The following STK40 variants were observed in gnomAD, a reference collection of about 807,000 sequenced individuals.
STK40 encodes serine/threonine-protein kinase 40.
Under a neutral mutation model 47.9 loss-of-function variants are expected in STK40, and 13 were observed. That is an observed-to-expected ratio of 0.27 (90% CI 0.18 to 0.43). STK40 has a LOEUF of 0.43. Ranked by LOEUF, STK40 falls within the 20% of genes least tolerant of loss-of-function variation. STK40 has a pLI of 1.00. For missense variants in STK40, 460 were observed against 595.1 expected (o/e 0.77, Z 2.36); for synonymous variants, 225 against 243.2 (o/e 0.93, Z 0.69).
At chr1:36,370,258 C>A (rs1472569413) in intron 1 of STK40, among the ~76,000 whole-genome samples, 1 of 152,240 alleles carries the variant, frequency 6.6e-6, no homozygotes, top group Non-Finnish European at 1.5e-5. Context: ...AAGGGATGGA[C>A]CAGGCCCTGT....
chr1:36,345,991 A>ATATATATATATTTTTTTTTT, intron 7 of STK40, among the ~76,000 whole-genome samples: 5 of 26,462 alleles, frequency 1.9e-4, no homozygotes, highest in Admixed American at 1.3e-3. Flanking sequence ...ATATATATAT[A>ATATATATATATTTTTTTTTT]TTTTTTTTTT....
At position 36,340,835 on chromosome 1, in the gene STK40, CG is replaced by C. The variant is rs1452976141; in HGVS notation, c.*919del. 2.6e-5 allele frequency: 4 copies of C among 152,500 alleles called. No homozygotes were observed. Among genetic ancestry groups the C allele is most frequent in the African/African-American group, 9.6e-5 (4 of 41,592 alleles). The allele number at this position is 152,500 out of a possible 1,614,324, so 9.4% of individuals were successfully genotyped here. On this transcript the variant is annotated 3_prime_UTR_variant, in exon 11 of 11. Transcript: ENST00000373132. Reference sequence around the variant, plus strand: ...GCTAGGGGAGCGTGCAGGCAGCCCCCGCTCACGGCCAGGCCTGCAGCCCAAC... The same window carrying C: ...GCTAGGGGAGCGTGCAGGCAGCCCCCCTCACGGCCAGGCCTGCAGCCCAAC...
At position 36,358,747 on chromosome 1, in the gene STK40, T is replaced by C. The variant is rs139830713; in HGVS notation, c.188A>G (p.Tyr63Cys). The change falls in exon 3 of 11, where the codon TAT becomes TGT. Residue 63 changes from tyrosine (Y) to cysteine (C), a missense_variant. Around this residue, in one of 3 missense-constraint regions of STK40, gnomAD observed 277 missense variants for 358.7 expected, o/e 0.77. Coordinates refer to ENST00000373132, the MANE Select transcript of STK40 (RefSeq NM_001282547.2). ...LARKDGTDDF[Y>C]QLKILTLEER... ...CCATGTCTCACTTACCTTCAGCTGA[T>C]AGAAGTCATCCGTGCCATCTTTCCT... 14 of 1,614,130 alleles carry C rather than the reference T, an allele frequency of 8.7e-6. No homozygotes were observed. Among genetic ancestry groups the C allele is most frequent in the Admixed American group, 3.3e-5 (2 of 60,028 alleles).
At position 36,361,524 on chromosome 1, in the gene STK40, G is replaced by T. The variant is rs75836932; in HGVS notation, c.-8-184C>A. ...AAAGAACCACAGCTCCTTTACTTGG[G>T]ATTAATTAGATGCTAAAGGTGGACA... On this transcript the variant is annotated intron_variant, in intron 1 of 10. Coordinates refer to ENST00000373132, the MANE Select transcript of STK40 (RefSeq NM_001282547.2). Among the ~76,000 whole-genome samples the T allele has an allele frequency of 3.7e-3, 559 of 152,316 alleles. 7 individuals are homozygous for T. Among genetic ancestry groups the T allele is most frequent in the East Asian group, 0.021 (111 of 5,184 alleles).
intron 1 of STK40, among the ~76,000 whole-genome samples, chr1:36,362,183 C>A (rs1288185524): frequency 6.6e-6 from 1 of 152,092 alleles, no homozygotes; most frequent in African/African-American, 2.4e-5. Context: ...CACCTCTGGA[C>A]ACAGATTTAA....
intron 1 of STK40, 22 bp from the exon 2 acceptor site, chr1:36,361,362 C>T (rs1557515707): frequency 1.2e-6 from 2 of 1,613,606 alleles, no homozygotes; most frequent in Non-Finnish European, 8.5e-7. Context: ...AGAAAGACCC[C>T]TTCTCACTGA....
In STK40 at chr1:36,378,692, C is replaced by T. The variant is rs191524975; in HGVS notation, c.-9+7031G>A. Among the ~76,000 whole-genome samples, 90 of 152,320 alleles carry T rather than the reference C, an allele frequency of 5.9e-4. 1 individual carries two copies. The East Asian group carries it at 0.016, about 27-fold the overall frequency. ...CAGGATGGTCTCGATCTCCTGAACT[C>T]GTGATCTGCCCGCCTCGGCCTCCCG... On this transcript the variant is annotated intron_variant, in intron 1 of 10. Coordinates refer to ENST00000373132, the MANE Select transcript of STK40 (RefSeq NM_001282547.2).
intron 1 of STK40, among the ~76,000 whole-genome samples, chr1:36,383,179 G>A (rs1170457285): frequency 3.3e-5 from 5 of 152,152 alleles, no homozygotes. Context: ...CCTGACCTCA[G>A]GTGATCTGCC....
rs749607113 is a variant in STK40 at position 36,355,394 on chromosome 1, G to A, written c.382C>T (p.Arg128Trp). The A allele has an allele frequency of 8.1e-6, 13 of 1,614,036 alleles. No individual in the cohort carries two copies. Among genetic ancestry groups the A allele is most frequent in the South Asian group, 4.4e-5 (4 of 91,090 alleles). ...CGCTTCTTCATCTTCTTAACCATCC[G>A]GCTGGATTCTGTGTCCTCAACGATT... is the stretch of plus-strand genomic sequence containing the variant. ...CEIVEDTESS[R>W]MVKKMKKRIC... is the part of the protein sequence containing the mutation. Residue 128 changes from arginine (R) to tryptophan (W), a missense_variant, in exon 5 of 11, where the codon CGG (arginine) becomes TGG (tryptophan). Physicochemically the swap from Arg to Trp is moderately radical, Grantham distance 101 (BLOSUM62 -3). Coordinates refer to ENST00000373132, the MANE Select transcript of STK40 (RefSeq NM_001282547.2).
intron 1 of STK40, among the ~76,000 whole-genome samples, chr1:36,365,316 G>A (rs1171596568): frequency 2.6e-5 from 4 of 152,186 alleles, no homozygotes; most frequent in African/African-American, 9.7e-5. Context: ...TAAACCCTAG[G>A]AGACTGACTA....
chr1:36,342,036 C>T lies in STK40; in HGVS notation c.1090-63G>A, dbSNP rs557959082. 4.0e-5 allele frequency: 58 copies of T among 1,466,686 alleles called. No individual in the cohort carries two copies. The African/African-American group carries it at 4.3e-4, about 11-fold the overall frequency. The allele number at this position is 1,466,686 out of a possible 1,614,324, so 90.9% of individuals were successfully genotyped here. ...ACCCAGATGAAGGCAGCGCAGCAGA[C>T]AGGAGGGCAGGCAAGAGTGCTGGCA... On this transcript the variant is annotated intron_variant, in intron 10 of 10. Transcript: ENST00000373132.
chr1:36,346,555 C>A (rs1646704164), intron 7 of STK40, among the ~76,000 whole-genome samples: 1 of 152,210 alleles, frequency 6.6e-6, no homozygotes, highest in African/African-American at 2.4e-5. Context: ...CAGCTTCTAA[C>A]CCAGGAGGGA....
At chr1:36,352,430 G>C (rs1289517432) in intron 6 of STK40, among the ~76,000 whole-genome samples, 1 of 152,200 alleles carries the variant, frequency 6.6e-6, no homozygotes, top group Admixed American at 6.5e-5. Context: ...GAAGCTCAGA[G>C]AAGTGCTTGG....
At chr1:36,356,418 CTTT>C (rs1002682531) in intron 4 of STK40, among the ~76,000 whole-genome samples, 2 of 116,806 alleles carry the variant, frequency 1.7e-5, no homozygotes, top group African/African-American at 3.2e-5. Context: ...TCTTCTTTTT[CTTT>C]TTTTTTTTTT....
intron 1 of STK40, among the ~76,000 whole-genome samples, chr1:36,371,552 C>G (rs1039007364): frequency 6.6e-6 from 1 of 151,218 alleles, no homozygotes; most frequent in African/African-American, 2.4e-5. Context: ...GAGCGAGACT[C>G]CATCTCAAAA....
At chr1:36,355,079 C>G (rs1200753679) in intron 5 of STK40, 127 bp downstream of exon 5, 8 of 974,746 alleles carry the variant, frequency 8.2e-6, no homozygotes, top group African/African-American at 1.6e-5. Context: ...TTCAGTCACT[C>G]TTCTTTTGGA....
At chr1:36,376,121 C>G (rs1646990532) in intron 1 of STK40, among the ~76,000 whole-genome samples, 1 of 152,132 alleles carries the variant, frequency 6.6e-6, no homozygotes, top group African/African-American at 2.4e-5. Context: ...AGAGGGGCAA[C>G]AGGCTGCCTG....
chr1:36,355,162 G>A (rs769235591), intron 5 of STK40, 44 bp downstream of exon 5: 2 of 1,586,260 alleles, frequency 1.3e-6, no homozygotes, highest in Admixed American at 1.7e-5. Flanking sequence ...CAAGAAAGGT[G>A]GCTTTCTGTG....
Position 36,341,642 on chromosome 1 carries a change from G to T in STK40, c.*113C>A. The T allele has an allele frequency of 7.5e-7, 1 of 1,329,376 alleles. No individual in the cohort carries two copies. The highest frequency in any genetic ancestry group is 2.4e-5 in the East Asian group (1 of 42,194). 82.3% of individuals were successfully genotyped at this position (1,329,376 alleles called of 1,614,324 possible). On this transcript the variant is annotated 3_prime_UTR_variant, in exon 11 of 11. Coordinates refer to ENST00000373132, the MANE Select transcript of STK40 (RefSeq NM_001282547.2). ...CCTGGGCTGTCCCTGTCCCTGCCCT[G>T]TCCCTATTGTGGCCCGGGAGAGTCC... is the stretch of plus-strand genomic sequence containing the variant.
Sources: gnomAD v4.1 joint callset for allele counts (sites outside exome capture counted in the v4.1 genomes callset) on GRCh38, gnomAD v4.1.1 for gene constraint, gnomAD v4.1.1 regional missense constraint, MANE v1.5 for transcripts, NCBI Gene and HGNC (gene_info 2026-07-23, HGNC 2026-07-21) for gene names.